OLFM1: variants seen among roughly 807,000 people sequenced by gnomAD.
The protein encoded by OLFM1 is olfactomedin 1.
Under a neutral mutation model 49.7 loss-of-function variants are expected in OLFM1, and 9 were observed. That is an observed-to-expected ratio of 0.18 (90% confidence interval 0.11 to 0.32). OLFM1 has a LOEUF of 0.32. Among genes scored for constraint, OLFM1 ranks in the 10% least tolerant of loss-of-function variants. OLFM1 has a pLI of 1.00. For synonymous variants in OLFM1, 240 were observed against 271.8 expected (o/e 0.88, Z 1.15); for missense variants, 369 against 661.8 (o/e 0.56, Z 4.85).
chr9:135,083,162 G>A (rs1830553319), upstream of OLFM1, among the ~76,000 whole-genome samples: 1 of 152,194 alleles, frequency 6.6e-6, no homozygotes, highest in Non-Finnish European at 1.5e-5. Flanking sequence ...AAATGATTAT[G>A]TTTGTGGGGT....
In OLFM1 at chr9:135,080,582, C is replaced by T. The variant is rs188176471; in HGVS notation, c.96+4780C>T. Among the ~76,000 whole-genome samples the T allele has an allele frequency of 2.4e-4, 37 of 152,140 alleles. No individual in the cohort carries two copies. The highest frequency in any genetic ancestry group is 2.3e-3 in the East Asian group (12 of 5,172). On this transcript the variant is annotated intron_variant, in intron 1 of 5. Transcript: ENST00000252854. This position sits in a 1 kb window ranked among gnomAD's most constrained non-coding sequence, Gnocchi z 4.5. The stretch of plus-strand genomic sequence containing the variant: ...AATCCTGCCCATGAGACAGCTGCTC[C>T]GTCTCCTAAAGCAATTTGCTTCTCA...
chr9:135,099,769 G>C (rs1435439124), intron 4 of OLFM1, among the ~76,000 whole-genome samples: 1 of 152,224 alleles, frequency 6.6e-6, no homozygotes, highest in East Asian at 1.9e-4. Context: ...ATGGTGCCCA[G>C]CCCTGGTATG....
chr9:135,118,842 G>GA (rs1831140258), intron 5 of OLFM1, among the ~76,000 whole-genome samples: 1 of 110,974 alleles, frequency 9.0e-6, no homozygotes, highest in Middle Eastern at 4.8e-3. Context: ...CGGGTCTTTG[G>GA]AGTGCTCACC....
Position 135,098,554 on chromosome 9 carries a change from C to G in OLFM1, c.676+49C>G. ...GTGGCGCTGCACTGCCCACCTCCGG[C>G]ACACGCACAGGCTTAGGGAGTGGTG... On this transcript the variant is annotated intron_variant, in intron 4 of 5. Coordinates refer to ENST00000371793, the MANE Select transcript of OLFM1 (RefSeq NM_001282611.2). The surrounding 1 kb of genome is among the most constrained non-coding windows in gnomAD (Gnocchi z 5.6). The G allele has an allele frequency of 1.3e-6, 2 of 1,521,818 alleles. No individual in the cohort carries two copies. Among genetic ancestry groups the G allele is most frequent in the East Asian group, 4.5e-5 (2 of 44,410 alleles). 94.3% of individuals were successfully genotyped at this position (1,521,818 alleles called of 1,614,324 possible). A position where few individuals can be genotyped will look rare whatever the true frequency, so the allele number is the denominator to read the frequency against.
At chr9:135,118,431 T>TGTCTTTGGAGTGCTCACCGG (rs1166343783) in intron 5 of OLFM1, among the ~76,000 whole-genome samples, 40 of 88,140 alleles carry the variant, frequency 4.5e-4, no homozygotes, top group South Asian at 1.9e-3. Flanking sequence ...GTGCTCGCTG[T>TGTCTTTGGAGTGCTCACCGG]GTCTTTGGAG....
chr9:135,085,807 G>A (rs1226052641), upstream of OLFM1, among the ~76,000 whole-genome samples: 2 of 152,188 alleles, frequency 1.3e-5, no homozygotes, highest in East Asian at 1.9e-4. Flanking sequence ...CTTATCTGAC[G>A]ACCCTTTCAA....
At chr9:135,105,422 G>A (rs1042456543) in intron 4 of OLFM1, among the ~76,000 whole-genome samples, 9 of 152,194 alleles carry the variant, frequency 5.9e-5, no homozygotes, top group Non-Finnish European at 8.8e-5. Flanking sequence ...AATCGGAGAC[G>A]CCTCCATGCC....
intron 5 of OLFM1, among the ~76,000 whole-genome samples, chr9:135,114,689 G>A (rs1198357841): frequency 6.6e-6 from 1 of 151,154 alleles, no homozygotes. Context: ...GCAGCCTGGG[G>A]AGGGAGGGAG....
intron 5 of OLFM1, among the ~76,000 whole-genome samples, chr9:135,114,962 C>T (rs1831076830): frequency 6.6e-6 from 1 of 152,208 alleles, no homozygotes. Context: ...GTCATCCAAG[C>T]CCCCCACCCA....
chr9:135,098,609 C>A lies in OLFM1; in HGVS notation c.676+104C>A, dbSNP rs531115506. 35 of 1,044,390 alleles carry A rather than the reference C, an allele frequency of 3.4e-5. No homozygotes were observed. The highest frequency in any genetic ancestry group is 4.6e-5 in the Non-Finnish European group (32 of 702,022). The allele number at this position is 1,044,390 out of a possible 1,614,324, so 64.7% of individuals were successfully genotyped here. A position where few individuals can be genotyped will look rare whatever the true frequency, so the allele number is the denominator to read the frequency against. ...AGTGGACAGCGCCCGCCTGGCTTCG[C>A]GAGGTGATGGCTGGATTAGGGCTCC... On this transcript the variant is annotated intron_variant, in intron 4 of 5. Transcript: ENST00000371793. The surrounding 1 kb of genome is among the most constrained non-coding windows in gnomAD (Gnocchi z 5.6).
chr9:135,087,611 G>A, upstream of OLFM1: 3 of 704,438 alleles, frequency 4.3e-6, no homozygotes, highest in Non-Finnish European at 6.0e-6. Flanking sequence ...CGTCGGTCCC[G>A]CCCGGCCGAG....
At chr9:135,079,107 T>C (rs1013360456) in intron 1 of OLFM1, among the ~76,000 whole-genome samples, 1 of 152,234 alleles carries the variant, frequency 6.6e-6, no homozygotes, top group Non-Finnish European at 1.5e-5. Context: ...GTCCAAACCC[T>C]TGCCGCTTGG....
intron 2 of OLFM1, among the ~76,000 whole-genome samples, chr9:135,094,034 G>A (rs1830750733): frequency 6.6e-6 from 1 of 152,236 alleles, no homozygotes; most frequent in Admixed American, 6.5e-5. Flanking sequence ...TCTCCTGACT[G>A]AGGCCAGCAT....
intron 5 of OLFM1, among the ~76,000 whole-genome samples, chr9:135,116,139 A>G (rs1300986937): frequency 6.6e-6 from 1 of 152,248 alleles, no homozygotes; most frequent in Non-Finnish European, 1.5e-5. Context: ...AAGGCCTTTC[A>G]GATGAGAACA....
At chr9:135,103,737 C>T (rs1830901524) in intron 4 of OLFM1, among the ~76,000 whole-genome samples, 1 of 152,220 alleles carries the variant, frequency 6.6e-6, no homozygotes, top group Non-Finnish European at 1.5e-5. Flanking sequence ...TGCACATCCT[C>T]AGGCTGAATC....
At chr9:135,109,593 G>T (rs1490569107) in intron 5 of OLFM1, among the ~76,000 whole-genome samples, 1 of 152,138 alleles carries the variant, frequency 6.6e-6, no homozygotes, top group African/African-American at 2.4e-5. Context: ...AACTCCCAGT[G>T]TGCTAAGTGA....
chr9:135,098,048 A>G lies in OLFM1; in HGVS notation c.457-238A>G. The G allele has an allele frequency of 1.4e-6, 2 of 1,424,690 alleles. No individual in the cohort carries two copies. 88.3% of individuals were successfully genotyped at this position (1,424,690 alleles called of 1,614,324 possible). On this transcript the variant is annotated intron_variant, in intron 3 of 5. Transcript: ENST00000371793. The surrounding 1 kb of genome is among the most constrained non-coding windows in gnomAD (Gnocchi z 5.6). ...AAAAAAAACTTCGTGTATGTGACTCAAAGCATGTAACCTTAAGATGTTGCA... is the reference window on the plus strand; with the variant it reads ...AAAAAAAACTTCGTGTATGTGACTCGAAGCATGTAACCTTAAGATGTTGCA...
In OLFM1 at chr9:135,098,743, G is replaced by T. The variant is rs961304343; in HGVS notation, c.676+238G>T. Among the ~76,000 whole-genome samples, 1 of 152,090 alleles carries T rather than the reference G, an allele frequency of 6.6e-6. No homozygotes were observed. The highest frequency in any genetic ancestry group is 6.5e-5 in the Admixed American group (1 of 15,284). On this transcript the variant is annotated intron_variant, in intron 4 of 5. Coordinates refer to ENST00000371793, the MANE Select transcript of OLFM1 (RefSeq NM_001282611.2). This position sits in a 1 kb window ranked among gnomAD's most constrained non-coding sequence, Gnocchi z 5.6. ...CAGAGGCCACAGACCCCGCTGAGTC[G>T]CACATCTGGAAAAAAATAGCATACC...
Position 135,090,178 on chromosome 9 carries a change from G to A in OLFM1, c.151-17G>A, listed in dbSNP as rs367890302. 20 of 1,581,686 alleles carry A rather than the reference G, an allele frequency of 1.3e-5. No homozygotes were observed. Among genetic ancestry groups the A allele is most frequent in the Non-Finnish European group, 1.6e-5 (19 of 1,156,182 alleles). On this transcript the variant is annotated splice_polypyrimidine_tract_variant and intron_variant, in intron 1 of 5. Coordinates refer to ENST00000371793, the MANE Select transcript of OLFM1 (RefSeq NM_001282611.2). ...TTTCTCTCCTTCCCTCTCCCTTCCC[G>A]CCCCGCCCCTCTCCAGGTGCTGCCC...
Sources: allele counts gnomAD v4.1 joint callset (sites outside exome capture counted in the v4.1 genomes callset), GRCh38; gene constraint gnomAD v4.1.1; non-coding constraint Gnocchi (gnomAD v3.1); transcripts MANE v1.5; gene names NCBI Gene and HGNC (gene_info 2026-07-23, HGNC 2026-07-21).